BPIFB4: variants seen among roughly 807,000 people sequenced by gnomAD.
BPIFB4 encodes the protein BPI fold-containing family B member 4.
In BPIFB4, 62 loss-of-function variants were observed where a neutral mutation model predicts 69.2. That is an observed-to-expected ratio of 0.90 (90% CI 0.73 to 1.11). The LOEUF is 1.11. Among genes scored for constraint, BPIFB4 ranks in the 50% least tolerant of loss-of-function variants. BPIFB4 has a pLI of 0.00. For synonymous variants in BPIFB4, 330 were observed against 332.7 expected, an observed-to-expected ratio of 0.99 and a Z score of 0.09; for missense variants, 789 against 792.0, an observed-to-expected ratio of 1.00 and a Z score of 0.04.
At chr20:33,093,761 A>G (rs1351094226) in intron 11 of BPIFB4, among the ~76,000 whole-genome samples, 1 of 151,286 alleles carries the variant, frequency 6.6e-6, no homozygotes, top group Non-Finnish European at 1.5e-5. Context: ...CCACCTATCC[A>G]TCTATCCATT....
intron 16 of BPIFB4, among the ~76,000 whole-genome samples, chr20:33,106,584 G>A (rs1982063926): frequency 6.6e-6 from 1 of 152,040 alleles, no homozygotes; most frequent in Non-Finnish European, 1.5e-5. Context: ...TGTTGGCCAG[G>A]CTGGTCTCAA....
At position 33,104,754 on chromosome 20, in the gene BPIFB4, C is replaced by G. The variant is rs1432398691; in HGVS notation, c.1681-56C>G. ...AGCCAGGGGAGCAGACCCAAGGGGC[C>G]CTCTGGAGCTGAGCAAACCCCCTGC... On this transcript the variant is annotated intron_variant, in intron 15 of 17. Transcript: ENST00000375483. The G allele has an allele frequency of 1.9e-6, 3 of 1,553,210 alleles. No homozygotes were observed. The African/African-American group carries it at 4.1e-5, about 21-fold the overall frequency.
At chr20:33,082,837 A>T in intron 3 of BPIFB4, 101 bp from the exon 4 acceptor site, 1 of 1,180,216 alleles carries the variant, frequency 8.5e-7, no homozygotes, top group South Asian at 1.2e-5. Flanking sequence ...TGGTGGGAAA[A>T]GTGAGGCCCA....
At position 33,084,977 on chromosome 20, in the gene BPIFB4, G is replaced by A. The variant is rs1981377820; in HGVS notation, c.763G>A (p.Val255Met). ...TGTCTACCTGAGCTTGTACACCCGTGTGGCCATCAACGGGAAGAGGTGCGT... is the reference window on the plus strand; with the variant it reads ...TGTCTACCTGAGCTTGTACACCCGTATGGCCATCAACGGGAAGAGGTGCGT... ...VGVYLSLYTR[V>M]AINGKSLIGF... Residue 255 changes from valine (V) to methionine (M), a missense_variant, in exon 6 of 18, where the codon GTG becomes ATG. By Grantham distance (21) the Val-to-Met change is conservative. Coordinates refer to ENST00000375483, the MANE Select transcript of BPIFB4 (RefSeq NM_182519.3). 6.2e-7 allele frequency: 1 copy of A among 1,612,196 alleles called. No individual in the cohort carries two copies. Among genetic ancestry groups the A allele is most frequent in the Non-Finnish European group, 8.5e-7 (1 of 1,179,978 alleles).
intron 3 of BPIFB4, among the ~76,000 whole-genome samples, chr20:33,082,241 C>T (rs1037755659): frequency 2.6e-5 from 4 of 152,200 alleles, no homozygotes; most frequent in African/African-American, 7.2e-5. Flanking sequence ...ACCTCACAGG[C>T]CTCAATCTTT....
chr20:33,081,144 G>T (rs1981216791), intron 2 of BPIFB4, among the ~76,000 whole-genome samples: 1 of 152,210 alleles, frequency 6.6e-6, no homozygotes, highest in South Asian at 2.1e-4. Context: ...GAGTAGATGG[G>T]TAGATGCTGG....
rs549205751 is a variant in BPIFB4, at chr20:33,083,233, G to T, written c.170-134G>T. 7.9e-5 allele frequency: 60 copies of T among 763,842 alleles called. No homozygotes were observed. The South Asian group carries it at 8.7e-4, about 11-fold the overall frequency. The allele number at this position is 763,842 out of a possible 1,614,324, so 47.3% of individuals were successfully genotyped here. On this transcript the variant is annotated intron_variant, in intron 4 of 17. Transcript: ENST00000375483. ...GGGGGTTGCTGGGTGGCAGTGGTGGGGGGCTGCTGGGTGGCAGTGGTGGGG... is the reference window on the plus strand; with the variant it reads ...GGGGGTTGCTGGGTGGCAGTGGTGGTGGGCTGCTGGGTGGCAGTGGTGGGG...
At chr20:33,103,700 C>A (rs756103308) in intron 15 of BPIFB4, among the ~76,000 whole-genome samples, 12 of 147,286 alleles carry the variant, frequency 8.1e-5, no homozygotes, top group Non-Finnish European at 1.7e-4. Flanking sequence ...GATGAGATCT[C>A]CACATGTGCA....
At chr20:33,097,935 A>C in intron 13 of BPIFB4, 148 bp downstream of exon 13, 4 of 790,456 alleles carry the variant, frequency 5.1e-6, no homozygotes, top group Non-Finnish European at 7.8e-6. Context: ...TCTAACCCAA[A>C]TCTAGCCTTT....
intron 12 of BPIFB4, among the ~76,000 whole-genome samples, 155 bp from the exon 13 acceptor site, chr20:33,097,462 C>T (rs1419771273): frequency 6.6e-6 from 1 of 152,134 alleles, no homozygotes; most frequent in Non-Finnish European, 1.5e-5. Context: ...CAGCTCCTTG[C>T]CCAGTTCTCA....
rs139268887 is a variant in BPIFB4, at chr20:33,088,994, G to A, written c.955G>A (p.Val319Met). 7 of 1,613,850 alleles carry A rather than the reference G, an allele frequency of 4.3e-6. No homozygotes were observed. In the African/African-American group the frequency reaches 6.7e-5, roughly 15 times the overall value. Reference sequence around the variant, plus strand: ...TCTCCCCAATCTCGTGGACAATTTAGTGAACCGAGTCCTGGCCGACGTCCT... The same window carrying A: ...TCTCCCCAATCTCGTGGACAATTTAATGAACCGAGTCCTGGCCGACGTCCT... Reference protein sequence around the residue: ...GLLPNLVDNLVNRVLADVLPD... With the variant: ...GLLPNLVDNLMNRVLADVLPD... Residue 319 changes from valine (V) to methionine (M), a missense_variant, in exon 8 of 18, where the codon GTG becomes ATG. This residue lies in a region of BPIFB4 where 611 missense variants were observed against 575.4 expected (regional missense o/e 1.06). Transcript: ENST00000375483.
Position 33,111,571 on chromosome 20 carries a change from C to G in BPIFB4, c.*134C>G, listed in dbSNP as rs1473222142. ...GGTCCCTCCCTGGCCCCCCAACCCT[C>G]TTCCTCCCTTGCCCCAACCCTGAGA... On this transcript the variant is annotated 3_prime_UTR_variant, in exon 18 of 18. Coordinates refer to ENST00000375483, the MANE Select transcript of BPIFB4 (RefSeq NM_182519.3). The G allele has an allele frequency of 9.0e-7, 1 of 1,107,988 alleles. No individual in the cohort carries two copies. The highest frequency in any genetic ancestry group is 1.3e-6 in the Non-Finnish European group (1 of 753,560). The allele number at this position is 1,107,988 out of a possible 1,614,324, so 68.6% of individuals were successfully genotyped here.
chr20:33,110,324 A>G (rs1238997743), intron 17 of BPIFB4, among the ~76,000 whole-genome samples: 3 of 152,178 alleles, frequency 2.0e-5, no homozygotes, highest in Admixed American at 6.5e-5. Flanking sequence ...ATTGGATTGA[A>G]GTTTTGTGGT....
At position 33,111,509 on chromosome 20, in the gene BPIFB4, C is replaced by G; in HGVS notation, c.*72C>G. On this transcript the variant is annotated 3_prime_UTR_variant, in exon 18 of 18. Coordinates refer to ENST00000375483, the MANE Select transcript of BPIFB4 (RefSeq NM_182519.3). ...GTCCCAGAGAGGCTCGGCCTGGAAA[C>G]AGTCCCCTGCCCAGAGTCCCCTCAG... 1 of 1,581,422 alleles carries G rather than the reference C, an allele frequency of 6.3e-7. No individual in the cohort carries two copies. The highest frequency in any genetic ancestry group is 8.7e-7 in the Non-Finnish European group (1 of 1,153,736).
intron 5 of BPIFB4, among the ~76,000 whole-genome samples, chr20:33,084,609 G>A (rs1981361433): frequency 6.6e-6 from 1 of 152,206 alleles, no homozygotes; most frequent in Non-Finnish European, 1.5e-5. Context: ...GAGGGGCAGG[G>A]ATGAGCAGAG....
At chr20:33,092,407 T>TTC in intron 10 of BPIFB4, 51 bp from the exon 11 acceptor site, 1 of 1,530,368 alleles carries the variant, frequency 6.5e-7, no homozygotes, top group Non-Finnish European at 8.9e-7. Context: ...TTCAGTCCCC[T>TTC]TCTTTCCATC....
intron 17 of BPIFB4, among the ~76,000 whole-genome samples, chr20:33,110,849 C>T (rs145264414): frequency 0.069 from 7,267 of 105,884 alleles, 260 homozygotes; most frequent in Middle Eastern, 0.24. Context: ...GAGTTTTGCT[C>T]TTGTCACCCA....
chr20:33,110,256 G>A (rs1010656165), intron 17 of BPIFB4, among the ~76,000 whole-genome samples: 3 of 152,140 alleles, frequency 2.0e-5, no homozygotes, highest in African/African-American at 7.2e-5. Context: ...TGACATTTCT[G>A]ATGAGTCTGG....
intron 5 of BPIFB4, among the ~76,000 whole-genome samples, chr20:33,084,152 A>G (rs1981346328): frequency 6.6e-6 from 1 of 152,206 alleles, no homozygotes; most frequent in Non-Finnish European, 1.5e-5. Flanking sequence ...CATCTGTAGA[A>G]TGGTCATAGT....
Sources: gnomAD v4.1 joint callset for allele counts (sites outside exome capture counted in the v4.1 genomes callset) on GRCh38, gnomAD v4.1.1 for gene constraint, gnomAD v4.1.1 regional missense constraint, MANE v1.5 for transcripts, NCBI Gene and HGNC (gene_info 2026-07-23, HGNC 2026-07-21) for gene names.